PGA5: variants seen among roughly 807,000 people sequenced by gnomAD.
PGA5 encodes pepsinogen A5, also known as pepsin A-5.
In PGA5, 19 loss-of-function variants were observed where a neutral mutation model predicts 15.9. The ratio of observed to expected loss-of-function variants is 1.19; its 90% CI spans 0.83 to 1.75. PGA5 has a LOEUF of 1.75. Ranked by LOEUF, PGA5 falls within the 40% of genes most tolerant of loss-of-function variation. The pLI, the probability that PGA5 is intolerant of heterozygous loss-of-function variation, is 0.00. For synonymous variants in PGA5, 92 were observed against 95.8 expected (o/e 0.96, Z 0.23); for missense variants, 224 against 246.4 (o/e 0.91, Z 0.61).
Position 61,247,023 on chromosome 11 carries a change from G to A in PGA5, c.656+878G>A, listed in dbSNP as rs573294527. 6.3e-4 allele frequency among the ~76,000 whole-genome samples: 96 copies of A among 152,106 alleles called. 1 individual carries two copies. Among genetic ancestry groups the A allele is most frequent in the Non-Finnish European group, 1.3e-3 (88 of 68,022 alleles). Reference sequence around the variant, plus strand: ...CAAAGAATAAACCAAATGTCAGTTTGGGCTGAGTAGAGTGTTATGCAAGAA... The same window carrying A: ...CAAAGAATAAACCAAATGTCAGTTTAGGCTGAGTAGAGTGTTATGCAAGAA... On this transcript the variant is annotated intron_variant, in intron 5 of 8. Coordinates refer to ENST00000312403, the MANE Select transcript of PGA5 (RefSeq NM_014224.5).
At chr11:61,248,991 T>A (rs1282922608) in intron 6 of PGA5, among the ~76,000 whole-genome samples, 3 of 152,118 alleles carry the variant, frequency 2.0e-5, no homozygotes, top group Admixed American at 2.0e-4. Flanking sequence ...GCCTCCCCTG[T>A]CTCCCTGGCA....
chr11:61,249,682 G>C lies in PGA5; in HGVS notation c.787G>C (p.Gly263Arg), dbSNP rs200405121. The change falls in exon 7 of 9, where the codon GGA (glycine) becomes CGA (arginine). Residue 263 changes from glycine to arginine, a missense_variant. Transcript: ENST00000312403. ...TCTTACCCTCAGCATCACCATGAAC[G>C]GAGAGACCATCGCCTGTGCTGAGGG... is the stretch of plus-strand genomic sequence containing the variant. ...QITVDSITMN[G>R]ETIACAEGCQ... The C allele has an allele frequency of 1.2e-6, 2 of 1,613,424 alleles. No individual in the cohort carries two copies. The highest frequency in any genetic ancestry group is 1.7e-6 in the Non-Finnish European group (2 of 1,179,850).
chr11:61,250,261 T>C (rs932351379), intron 8 of PGA5, among the ~76,000 whole-genome samples: 1 of 151,190 alleles, frequency 6.6e-6, no homozygotes, highest in Admixed American at 6.5e-5. Context: ...AGGATTCTAT[T>C]TGGACCCCTG....
rs551734032 is a variant in PGA5 at position 61,247,527 on chromosome 11, T to C, written c.657-892T>C. ...CTCCTGACCTCGTGATCCACCTGCC[T>C]TGGCCTCACAAAGTGCTGGGATTAC... On this transcript the variant is annotated intron_variant, in intron 5 of 8. Coordinates refer to ENST00000312403, the MANE Select transcript of PGA5 (RefSeq NM_014224.5). Among the ~76,000 whole-genome samples, 3 of 152,130 alleles carry C rather than the reference T, an allele frequency of 2.0e-5. No individual in the cohort carries two copies. In the South Asian group the frequency reaches 6.2e-4, roughly 31 times the overall value.
chr11:61,247,478 CCT>C (rs1854080320), intron 5 of PGA5, among the ~76,000 whole-genome samples: 2 of 151,800 alleles, frequency 1.3e-5, no homozygotes, highest in Admixed American at 1.3e-4. Flanking sequence ...GGGGTTTCAC[CCT>C]GTTAGCCAGG....
chr11:61,245,652 G>GGGTCTGT, intron 4 of PGA5: 1 of 13,276 alleles, frequency 7.5e-5, no homozygotes. Flanking sequence ...CTGGGGTCTG[G>GGGTCTGT]GGTCTGCTTT....
At position 61,249,698 on chromosome 11, in the gene PGA5, G is replaced by A. The variant is rs1427755283; in HGVS notation, c.803G>A (p.Cys268Tyr). The change falls in exon 7 of 9, where the codon TGT (cysteine) becomes TAT (tyrosine). Residue 268 changes from cysteine to tyrosine, a missense_variant. Transcript: ENST00000312403. ...ACCATGAACGGAGAGACCATCGCCT[G>A]TGCTGAGGGCTGCCAGGCCATTGTT... The part of the protein sequence containing the change: ...SITMNGETIA[C>Y]AEGCQAIVDT... 6.2e-7 allele frequency: 1 copy of A among 1,613,398 alleles called. No individual in the cohort carries two copies. The highest frequency in any genetic ancestry group is 2.2e-5 in the East Asian group (1 of 44,878).
At chr11:61,250,197 T>C (rs558628609) in intron 8 of PGA5, among the ~76,000 whole-genome samples, 183 bp downstream of exon 8, 6 of 151,092 alleles carry the variant, frequency 4.0e-5, no homozygotes, top group African/African-American at 7.4e-5. Flanking sequence ...GAATAAGAAC[T>C]CGGATACAGC....
chr11:61,251,060 G>T (rs1319972561), intron 8 of PGA5, 72 bp from the exon 9 acceptor site: 3 of 1,610,992 alleles, frequency 1.9e-6, no homozygotes, highest in Admixed American at 3.3e-5. Context: ...GGGCTCCCTG[G>T]ATGTTTATCA....
intron 5 of PGA5, among the ~76,000 whole-genome samples, chr11:61,246,516 G>C (rs979796558): frequency 1.3e-5 from 2 of 151,820 alleles, no homozygotes; most frequent in Admixed American, 1.3e-4. Context: ...AGCACTTTGG[G>C]ATTACAGCAC....
At position 61,251,312 on chromosome 11, in the gene PGA5, G is replaced by A; in HGVS notation, c.*31G>A. 6.2e-7 allele frequency: 1 copy of A among 1,611,900 alleles called. No individual in the cohort carries two copies. The stretch of plus-strand genomic sequence containing the variant: ...AGTCTCTTCAGCCACCTCCCAGGAA[G>A]ATCTGGCCTCCGTCCTATGCCCACT... On this transcript the variant is annotated 3_prime_UTR_variant, in exon 9 of 9. Coordinates refer to ENST00000312403, the MANE Select transcript of PGA5 (RefSeq NM_014224.5).
At chr11:61,249,417 C>T in intron 6 of PGA5, 2 of 691,080 alleles carry the variant, frequency 2.9e-6, no homozygotes, top group Non-Finnish European at 2.4e-6. Context: ...CGGGAGCTCC[C>T]TGCAGCCTGG....
At position 61,251,135 on chromosome 11, in the gene PGA5, G is replaced by T. The variant is rs138308982; in HGVS notation, c.1021G>T (p.Glu341Ter). The part of the protein sequence containing the change: ...VPPSAYILQS[E>*]GSCISGFQGM... ...CTTTTATTCTCCTTTTCTCCAGAGCGAGGGGAGCTGCATCAGTGGCTTCCA... is the reference window on the plus strand; with the variant it reads ...CTTTTATTCTCCTTTTCTCCAGAGCTAGGGGAGCTGCATCAGTGGCTTCCA... Residue 341 changes from glutamate to a stop codon, truncating the protein, a stop_gained, in exon 9 of 9, where the codon GAG becomes TAG. Coordinates refer to ENST00000312403, the MANE Select transcript of PGA5 (RefSeq NM_014224.5). LOFTEE classifies it low-confidence loss of function (END_TRUNC). The T allele has an allele frequency of 6.2e-7, 1 of 1,611,832 alleles. No homozygotes were observed. Among genetic ancestry groups the T allele is most frequent in the Non-Finnish European group, 8.5e-7 (1 of 1,179,848 alleles).
chr11:61,250,648 A>T (rs1854128353), intron 8 of PGA5: 1 of 460,918 alleles, frequency 2.2e-6, no homozygotes, highest in Admixed American at 2.3e-5. Context: ...TTCTGATTAC[A>T]TTAGGAGAGG....
chr11:61,246,484 G>C (rs538718530), intron 5 of PGA5, among the ~76,000 whole-genome samples: 1 of 151,850 alleles, frequency 6.6e-6, no homozygotes, highest in African/African-American at 2.4e-5. Flanking sequence ...AGCCAGGCAT[G>C]GTGTCTCATG....
intron 5 of PGA5, 116 bp from the exon 6 acceptor site, chr11:61,248,303 C>T (rs1031771272): frequency 3.7e-6 from 6 of 1,611,098 alleles, no homozygotes; most frequent in African/African-American, 1.3e-5. Flanking sequence ...ATTGGTCACA[C>T]CCCAGGACAG....
At position 61,249,800 on chromosome 11, in the gene PGA5, A is replaced by C; in HGVS notation, c.905A>C (p.Asn302Thr). The change falls in exon 7 of 9, where the codon AAC (asparagine) becomes ACC (threonine). Residue 302 changes from asparagine to threonine, a missense_variant. By Grantham distance (65) the Asn-to-Thr change is moderately conservative. Coordinates refer to ENST00000312403, the MANE Select transcript of PGA5 (RefSeq NM_014224.5). ...CAGAGCGACATCGGAGCCAGCGAGA[A>C]CTCAGATGGCGACGTGAGTCCAGCC... Reference protein sequence around the residue: ...NIQSDIGASENSDGDMVVSCS... With the variant: ...NIQSDIGASETSDGDMVVSCS... The C allele has an allele frequency of 1.9e-6, 3 of 1,613,496 alleles. No homozygotes were observed. Among genetic ancestry groups the C allele is most frequent in the Non-Finnish European group, 2.5e-6 (3 of 1,179,814 alleles).
intron 5 of PGA5, chr11:61,248,198 C>A (rs1854091715): frequency 2.7e-6 from 3 of 1,120,854 alleles, no homozygotes; most frequent in African/African-American, 1.5e-5. Flanking sequence ...GGCAGGTGGC[C>A]TCACCTCCCT....
In PGA5 at chr11:61,248,174, G is replaced by A. The variant is rs570863507; in HGVS notation, c.657-245G>A. ...CCAAACGTAGTTCCACCACTCCCCCGCTGTGTGACCTTGGGCAGGTGGCCT... is the reference window on the plus strand; with the variant it reads ...CCAAACGTAGTTCCACCACTCCCCCACTGTGTGACCTTGGGCAGGTGGCCT... On this transcript the variant is annotated intron_variant, in intron 5 of 8. Coordinates refer to ENST00000312403, the MANE Select transcript of PGA5 (RefSeq NM_014224.5). 90 of 860,826 alleles carry A rather than the reference G, an allele frequency of 1.0e-4. 2 individuals are homozygous for A. The African/African-American group carries it at 1.3e-3, about 12-fold the overall frequency. 53.3% of individuals were successfully genotyped at this position (860,826 alleles called of 1,614,324 possible).
Sources: gnomAD v4.1 joint callset for allele counts (sites outside exome capture counted in the v4.1 genomes callset) on GRCh38, gnomAD v4.1.1 for gene constraint, MANE v1.5 for transcripts, NCBI Gene and HGNC (gene_info 2026-07-23, HGNC 2026-07-21) for gene names.